Variants in ZMYND8 observed in about 807,000 individuals in gnomAD.
The protein encoded by ZMYND8 is zinc finger MYND-type containing 8.
A neutral mutation model predicts 140.8 loss-of-function variants in ZMYND8; 37 were observed. The observed-to-expected ratio is 0.26, with a 90% CI of 0.20 to 0.35. ZMYND8 has a LOEUF of 0.35. ZMYND8 is among the 10% of genes least tolerant of loss of function. The probability of loss-of-function intolerance (pLI) is 1.00; values close to 1 mark genes in which losing one functional copy is unlikely to be tolerated. For synonymous variants in ZMYND8, 592 were observed against 597.1 expected, an observed-to-expected ratio of 0.99 and a Z score of 0.12; for missense variants, 1,068 against 1,570.0, an observed-to-expected ratio of 0.68 and a Z score of 5.40.
chr20:47,294,854 T>G, intron 4 of ZMYND8, 75 bp from the exon 5 acceptor site: 1 of 1,375,062 alleles, frequency 7.3e-7, no homozygotes, highest in Non-Finnish European at 1.0e-6. Context: ...TTTCTATTTT[T>G]TCAGTCAACT....
rs1345206459 is a variant in ZMYND8, at chr20:47,249,346, A to G, written c.1715T>C (p.Ile572Thr). The G allele has an allele frequency of 1.2e-6, 2 of 1,614,144 alleles. No homozygotes were observed. The highest frequency in any genetic ancestry group is 3.3e-5 in the Admixed American group (2 of 60,018). Residue 572 changes from isoleucine to threonine, a missense_variant, in exon 13 of 23, where the codon ATT becomes ACT. Ile to Thr is a moderately conservative substitution (Grantham distance 89). Around this residue, in one of 10 missense-constraint regions of ZMYND8, gnomAD observed 173 missense variants for 223.3 expected, o/e 0.77. Transcript: ENST00000471951. ...PVPLISPKRQ[I>T]RSRFQLNLDK... ...AAGATTCAGCTGGAACCTGCTACGA[A>G]TCTGGCGCTTGGGAGAGATGAGAGG...
At chr20:47,290,560 A>C (rs1449326149) in intron 6 of ZMYND8, among the ~76,000 whole-genome samples, 1 of 151,230 alleles carries the variant, frequency 6.6e-6, no homozygotes, top group Non-Finnish European at 1.5e-5. Flanking sequence ...TTCTTCCAAT[A>C]AACAGGATAG....
At chr20:47,356,367 T>C in intron 1 of ZMYND8, 2 of 1,491,836 alleles carry the variant, frequency 1.3e-6, no homozygotes, top group Admixed American at 2.3e-5. Flanking sequence ...AAAAAGCTTC[T>C]TTTTTGGCAT....
chr20:47,239,964 C>T (rs2039738731), intron 14 of ZMYND8, among the ~76,000 whole-genome samples: 1 of 152,154 alleles, frequency 6.6e-6, no homozygotes, highest in Non-Finnish European at 1.5e-5. Flanking sequence ...AGGCCAAGCA[C>T]GGTGGCTCAC....
chr20:47,321,116 G>A (rs762394175), intron 2 of ZMYND8, among the ~76,000 whole-genome samples: 2 of 152,174 alleles, frequency 1.3e-5, no homozygotes, highest in Admixed American at 6.5e-5. Flanking sequence ...CATATTTAAC[G>A]AAGGTATTTA....
chr20:47,216,495 C>CCAAAAAAA (rs1491476122), intron 21 of ZMYND8, among the ~76,000 whole-genome samples: 1 of 59,440 alleles, frequency 1.7e-5, no homozygotes, highest in African/African-American at 6.1e-5. Context: ...GACTCTGTCT[C>CCAAAAAAA]AAAAAAAAAA....
chr20:47,219,733 T>C (rs2036664847), intron 21 of ZMYND8, among the ~76,000 whole-genome samples: 3 of 152,062 alleles, frequency 2.0e-5, no homozygotes, highest in African/African-American at 7.2e-5. Flanking sequence ...AGAAAAAACC[T>C]AGATGTCAAG....
chr20:47,274,869 A>G (rs1045665288), intron 11 of ZMYND8, among the ~76,000 whole-genome samples: 1 of 152,242 alleles, frequency 6.6e-6, no homozygotes, highest in African/African-American at 2.4e-5. Context: ...CAACACAAGC[A>G]AAGTCAGTAG....
intron 14 of ZMYND8, 104 bp from the exon 15 acceptor site, chr20:47,239,242 G>A: frequency 7.2e-7 from 1 of 1,398,600 alleles, no homozygotes; most frequent in Non-Finnish European, 9.3e-7. Context: ...ATGAAAGCCA[G>A]GAATGCCGAA....
intron 10 of ZMYND8, 115 bp from the exon 11 acceptor site, chr20:47,276,910 T>TGA: frequency 1.9e-6 from 1 of 514,874 alleles, no homozygotes; most frequent in Non-Finnish European, 2.7e-6. Flanking sequence ...CTTATTCTAT[T>TGA]AAAAAAAAAA....
At chr20:47,328,351 GAGA>G (rs1485802485) in intron 2 of ZMYND8, among the ~76,000 whole-genome samples, 2 of 152,196 alleles carry the variant, frequency 1.3e-5, no homozygotes, top group African/African-American at 4.8e-5. Flanking sequence ...TACCTGGCAG[GAGA>G]AGATTTTTAG....
chr20:47,338,098 GTAGAGTGGTCACCTTATCTCC>G (rs2081530467), intron 2 of ZMYND8, among the ~76,000 whole-genome samples: 2 of 152,108 alleles, frequency 1.3e-5, no homozygotes. Flanking sequence ...TCATAAGATG[GTAGAGTGGTCACCTTATCTCC>G]TTTTGAGGAC....
At chr20:47,288,724 T>C (rs1283617464) in intron 7 of ZMYND8, among the ~76,000 whole-genome samples, 1 of 152,188 alleles carries the variant, frequency 6.6e-6, no homozygotes, top group Non-Finnish European at 1.5e-5. Flanking sequence ...GCCTCTCCTT[T>C]TTCCCCTCCT....
chr20:47,249,500 C>T (rs952560660), intron 12 of ZMYND8, 61 bp from the exon 13 acceptor site: 8 of 1,571,434 alleles, frequency 5.1e-6, no homozygotes, highest in African/African-American at 2.7e-5. Context: ...CACGGAGCTT[C>T]GTCCTTGCAA....
Position 47,210,689 on chromosome 20 carries a change from T to C in ZMYND8, c.*72A>G. On this transcript the variant is annotated 3_prime_UTR_variant, in exon 23 of 23. Coordinates refer to ENST00000471951, the MANE Select transcript of ZMYND8 (RefSeq NM_001281775.3). ...CTGAAAGTGGCTGTTCTCCTGCCTT[T>C]GTTGTTTCTTCTTTTCCTGGCGTCT... 1 of 1,612,672 alleles carries C rather than the reference T, an allele frequency of 6.2e-7. No individual in the cohort carries two copies. Among genetic ancestry groups the C allele is most frequent in the Non-Finnish European group, 8.5e-7 (1 of 1,178,958 alleles).
intron 16 of ZMYND8, among the ~76,000 whole-genome samples, chr20:47,232,894 TTTG>T (rs2038706488): frequency 1.6e-5 from 1 of 62,524 alleles, no homozygotes; most frequent in South Asian, 6.3e-4. Flanking sequence ...CATGTTTTTT[TTTG>T]TTTTTTTTGT....
chr20:47,219,669 T>G (rs2036655726), intron 21 of ZMYND8, among the ~76,000 whole-genome samples: 1 of 151,958 alleles, frequency 6.6e-6, no homozygotes, highest in African/African-American at 2.4e-5. Flanking sequence ...TTTAAGAAAG[T>G]GCAGGAAAAA....
At chr20:47,213,597 A>G (rs903278303) in intron 21 of ZMYND8, among the ~76,000 whole-genome samples, 1 of 152,230 alleles carries the variant, frequency 6.6e-6, no homozygotes, top group Non-Finnish European at 1.5e-5. Flanking sequence ...GTCACAGGAC[A>G]GGTGGGAAGC....
At chr20:47,342,468 A>G (rs1393216272) in intron 2 of ZMYND8, among the ~76,000 whole-genome samples, 1 of 150,806 alleles carries the variant, frequency 6.6e-6, no homozygotes, top group East Asian at 1.9e-4. Flanking sequence ...AATTGCTTGA[A>G]CCAGGGAAGT....
Sources: gnomAD v4.1 joint callset for allele counts (sites outside exome capture counted in the v4.1 genomes callset) on GRCh38, gnomAD v4.1.1 for gene constraint, gnomAD v4.1.1 regional missense constraint, MANE v1.5 for transcripts, NCBI Gene and HGNC (gene_info 2026-07-23, HGNC 2026-07-21) for gene names.